The following PPARGC1A variants were observed in gnomAD, a reference collection of about 807,000 sequenced individuals.
The protein encoded by PPARGC1A is PPARG coactivator 1 alpha, also known as peroxisome proliferator-activated receptor gamma coactivator 1-alpha.
PPARGC1A carries 25 observed loss-of-function variants against 88.7 expected under a neutral mutation model. That is an observed-to-expected ratio of 0.28 (90% CI 0.21 to 0.39). PPARGC1A has a LOEUF of 0.39. Among genes scored for constraint, PPARGC1A ranks in the 10% least tolerant of loss-of-function variants. PPARGC1A has a pLI of 1.00. For missense variants in PPARGC1A, 880 were observed against 968.7 expected, an observed-to-expected ratio of 0.91 and a Z score of 1.22; for synonymous variants, 363 against 355.6, an observed-to-expected ratio of 1.02 and a Z score of -0.24.
chr4:24,264,113 A>G, the PPARGC1A span, among the ~76,000 whole-genome samples: 1 of 151,166 alleles, frequency 6.6e-6, no homozygotes, highest in African/African-American at 2.5e-5. Context: ...AAAGTATAGA[A>G]TACTTATATA....
At chr4:24,089,004 ATGTG>A in the PPARGC1A span, among the ~76,000 whole-genome samples, 1 of 152,176 alleles carries the variant, frequency 6.6e-6, no homozygotes, top group South Asian at 2.1e-4. Flanking sequence ...GGATTGAAAT[ATGTG>A]TGTATGTGTG....
chr4:23,949,029 C>T, the PPARGC1A span, among the ~76,000 whole-genome samples: 1 of 152,098 alleles, frequency 6.6e-6, no homozygotes, highest in Non-Finnish European at 1.5e-5. Context: ...TTTGCCTAAA[C>T]TAGTTTTCTT....
chr4:24,136,516 C>T, the PPARGC1A span, among the ~76,000 whole-genome samples: 53,686 of 151,972 alleles, frequency 0.35, 11,433 homozygotes, highest in African/African-American at 0.59. Context: ...TTGGAAATGC[C>T]GCAATTGGGA....
chr4:24,033,594 T>C, the PPARGC1A span, among the ~76,000 whole-genome samples: 2 of 152,202 alleles, frequency 1.3e-5, no homozygotes, highest in Non-Finnish European at 2.9e-5. Flanking sequence ...AAAGAACACA[T>C]CCTTGTCTCT....
At chr4:24,384,897 T>C in the PPARGC1A span, among the ~76,000 whole-genome samples, 8 of 152,162 alleles carry the variant, frequency 5.3e-5, no homozygotes, top group Non-Finnish European at 1.0e-4. Flanking sequence ...GCAGACCTAA[T>C]AGACATTTAC....
chr4:24,162,567 C>T, the PPARGC1A span, among the ~76,000 whole-genome samples: 11 of 150,072 alleles, frequency 7.3e-5, no homozygotes, highest in Non-Finnish European at 1.5e-4. Context: ...AAGGGCCTTT[C>T]CTGAAATAGA....
chr4:24,228,668 A>G, the PPARGC1A span, among the ~76,000 whole-genome samples: 2 of 152,196 alleles, frequency 1.3e-5, no homozygotes, highest in East Asian at 3.9e-4. Flanking sequence ...AAAAAAAGAA[A>G]AAAAACCCAG....
At chr4:24,229,769 C>T in the PPARGC1A span, among the ~76,000 whole-genome samples, 11,872 of 149,788 alleles carry the variant, frequency 0.079, 665 homozygotes, top group African/African-American at 0.16. Flanking sequence ...CACTTGAACC[C>T]GGGAGGCAGA....
the PPARGC1A span, among the ~76,000 whole-genome samples, chr4:24,194,204 T>C: frequency 2.0e-5 from 3 of 151,694 alleles, no homozygotes; most frequent in East Asian, 3.9e-4. Context: ...AGGAAGCAAC[T>C]CTCCAGTAGG....
chr4:24,345,519 A>T, the PPARGC1A span, among the ~76,000 whole-genome samples: 28,447 of 151,642 alleles, frequency 0.19, 2,805 homozygotes, highest in South Asian at 0.23. Context: ...AGTTTAGTTT[A>T]GTTTTGTTTT....
the PPARGC1A span, among the ~76,000 whole-genome samples, chr4:24,468,850 C>T: frequency 6.6e-6 from 1 of 152,026 alleles, no homozygotes; most frequent in East Asian, 1.9e-4. Flanking sequence ...ATCAAAATGC[C>T]TTGTGATTCC....
chr4:24,063,555 C>G, the PPARGC1A span, among the ~76,000 whole-genome samples: 1 of 152,150 alleles, frequency 6.6e-6, no homozygotes, highest in Non-Finnish European at 1.5e-5. Flanking sequence ...CAGCCGACAT[C>G]CCAGGTTCCT....
chr4:23,973,404 G>A, the PPARGC1A span, among the ~76,000 whole-genome samples: 3 of 152,134 alleles, frequency 2.0e-5, no homozygotes, highest in Admixed American at 2.0e-4. Flanking sequence ...TTTATATTGG[G>A]CAGTCTTATC....
chr4:24,403,185 A>C, the PPARGC1A span, among the ~76,000 whole-genome samples: 1 of 152,172 alleles, frequency 6.6e-6, no homozygotes, highest in Non-Finnish European at 1.5e-5. Context: ...CCCCAAAAGG[A>C]CACAATGCCA....
At chr4:24,162,934 T>G in the PPARGC1A span, among the ~76,000 whole-genome samples, 1 of 152,026 alleles carries the variant, frequency 6.6e-6, no homozygotes, top group Non-Finnish European at 1.5e-5. Context: ...ATGCCAGAAA[T>G]GTGCAAGTGT....
chr4:23,892,766 T>C (rs1718040382), upstream of PPARGC1A, among the ~76,000 whole-genome samples: 1 of 152,180 alleles, frequency 6.6e-6, no homozygotes, highest in South Asian at 2.1e-4. Context: ...GAAACCTTAC[T>C]GTGTGCACAG....
chr4:23,851,592 T>C (rs2148665520), intron 2 of PPARGC1A, among the ~76,000 whole-genome samples: 1 of 152,294 alleles, frequency 6.6e-6, no homozygotes. Context: ...GGTAATTTAC[T>C]GATTACCAAA....
the PPARGC1A span, among the ~76,000 whole-genome samples, chr4:23,991,948 T>C: frequency 6.6e-6 from 1 of 152,160 alleles, no homozygotes; most frequent in African/African-American, 2.4e-5. Context: ...ATTAAGTTTC[T>C]AGTATCTAAC....
At chr4:23,922,739 G>A in the PPARGC1A span, among the ~76,000 whole-genome samples, 5 of 152,140 alleles carry the variant, frequency 3.3e-5, no homozygotes, top group South Asian at 2.1e-4. Flanking sequence ...AAGGCATCCC[G>A]TGGCTAAGGA....
Sources: gnomAD v4.1 joint callset for allele counts (sites outside exome capture counted in the v4.1 genomes callset) on GRCh38, gnomAD v4.1.1 for gene constraint, MANE v1.5 for transcripts, NCBI Gene and HGNC (gene_info 2026-07-23, HGNC 2026-07-21) for gene names.